Variants in UPP2 observed in about 807,000 individuals in gnomAD.
The protein encoded by UPP2 is uridine phosphorylase 2.
Under a neutral mutation model 26.7 loss-of-function variants are expected in UPP2, and 23 were observed. The observed-to-expected ratio is 0.86, with a 90% CI of 0.62 to 1.22. UPP2 has a LOEUF of 1.22. UPP2 is among the 50% of genes most tolerant of loss of function. The probability of loss-of-function intolerance (pLI) is 0.00; values close to 1 mark genes in which losing one functional copy is unlikely to be tolerated. For missense variants in UPP2, 387 were observed against 396.7 expected, an observed-to-expected ratio of 0.98 and a Z score of 0.21; for synonymous variants, 127 against 141.3, an observed-to-expected ratio of 0.90 and a Z score of 0.72.
chr2:158,098,370 G>C (rs773096373), upstream of UPP2, among the ~76,000 whole-genome samples: 8 of 152,148 alleles, frequency 5.3e-5, no homozygotes, highest in Non-Finnish European at 8.8e-5. Flanking sequence ...GAAAGGTTGT[G>C]ATTCTCTAGG....
At chr2:158,118,676 C>A (rs767973725) in intron 4 of UPP2, among the ~76,000 whole-genome samples, 3 of 151,964 alleles carry the variant, frequency 2.0e-5, no homozygotes, top group Non-Finnish European at 4.4e-5. Context: ...CTGCACATGG[C>A]AAATGGAGAA....
At chr2:158,013,165 G>A (rs377595358) in intron 2 of UPP2, among the ~76,000 whole-genome samples, 5 of 152,148 alleles carry the variant, frequency 3.3e-5, no homozygotes, top group African/African-American at 1.2e-4. Flanking sequence ...TTTTTAAAAA[G>A]TTTTATTTTT....
At chr2:158,031,241 A>G (rs1471118067) in intron 3 of UPP2, among the ~76,000 whole-genome samples, 1 of 152,106 alleles carries the variant, frequency 6.6e-6, no homozygotes, top group African/African-American at 2.4e-5. Context: ...TAGATTTTGG[A>G]GTAGGAAGTA....
At chr2:158,081,647 A>G (rs1301002330) in intron 3 of UPP2, among the ~76,000 whole-genome samples, 1 of 152,174 alleles carries the variant, frequency 6.6e-6, no homozygotes, top group African/African-American at 2.4e-5. Context: ...AAAAAGAATG[A>G]AATCCTGTCA....
intron 2 of UPP2, among the ~76,000 whole-genome samples, chr2:158,113,782 A>G (rs1277323128): frequency 2.6e-5 from 4 of 152,182 alleles, no homozygotes; most frequent in East Asian, 3.9e-4. Flanking sequence ...CCTCTGTCCA[A>G]TGCTGCCTAC....
intron 3 of UPP2, among the ~76,000 whole-genome samples, chr2:158,020,558 A>G (rs1416587778): frequency 6.6e-6 from 1 of 152,018 alleles, no homozygotes. Flanking sequence ...CACTGCTCAC[A>G]CTCCCTGATA....
chr2:158,119,505 A>G (rs772669273), intron 4 of UPP2, among the ~76,000 whole-genome samples: 1 of 152,088 alleles, frequency 6.6e-6, no homozygotes, highest in Non-Finnish European at 1.5e-5. Context: ...CCCTTCCTAC[A>G]TGAGCCAACA....
chr2:158,028,739 C>T (rs1558908146), intron 3 of UPP2, among the ~76,000 whole-genome samples: 1 of 152,234 alleles, frequency 6.6e-6, no homozygotes, highest in Non-Finnish European at 1.5e-5. Context: ...TACAGTTCCA[C>T]ATGGCTGGAG....
At chr2:158,130,958 A>G (rs1335565875) in intron 6 of UPP2, among the ~76,000 whole-genome samples, 1 of 152,188 alleles carries the variant, frequency 6.6e-6, no homozygotes, top group Non-Finnish European at 1.5e-5. Context: ...GTCTCTTACC[A>G]TTGACCAGCC....
At chr2:158,096,159 T>A (rs1682981991) in intron 3 of UPP2, among the ~76,000 whole-genome samples, 1 of 152,118 alleles carries the variant, frequency 6.6e-6, no homozygotes, top group Non-Finnish European at 1.5e-5. Context: ...TAGAAAACAG[T>A]GAATTTACGC....
At position 158,121,516 on chromosome 2, in the gene UPP2, C is replaced by T; in HGVS notation, c.562C>T (p.Leu188=). The T allele has an allele frequency of 1.2e-6, 2 of 1,613,460 alleles. No individual in the cohort carries two copies. The highest frequency in any genetic ancestry group is 2.2e-5 in the South Asian group (2 of 91,066). The change falls in exon 5 of 7, where the codon CTG becomes TTG. Residue 188 remains leucine (L), a synonymous_variant. Transcript: ENST00000005756. ...CAACATTGTCACCCGAAGTACTGAA[C>T]TGGACAAAGAACTGTCTGAAGAACT... is the stretch of plus-strand genomic sequence containing the variant. The part of the protein sequence containing the change: ...LDNIVTRSTE[L]DKELSEELFN...
upstream of UPP2, among the ~76,000 whole-genome samples, chr2:158,098,934 C>T (rs1683029481): frequency 6.6e-6 from 1 of 152,146 alleles, no homozygotes; most frequent in African/African-American, 2.4e-5. Flanking sequence ...ATTGTACACT[C>T]TTAATAGCTC....
At chr2:158,128,044 G>A in intron 6 of UPP2, 2 of 983,398 alleles carry the variant, frequency 2.0e-6, no homozygotes, top group Non-Finnish European at 1.2e-6. Flanking sequence ...TGGTAAGTAT[G>A]TTTAACTTGT....
intron 3 of UPP2, among the ~76,000 whole-genome samples, chr2:158,045,613 A>G (rs1448656253): frequency 6.6e-6 from 1 of 152,118 alleles, no homozygotes; most frequent in Non-Finnish European, 1.5e-5. Flanking sequence ...TGGTGAGATA[A>G]ACTTCCTGAT....
intron 6 of UPP2, among the ~76,000 whole-genome samples, chr2:158,129,014 T>A (rs1683751187): frequency 6.6e-6 from 1 of 152,080 alleles, no homozygotes; most frequent in African/African-American, 2.4e-5. Flanking sequence ...TACAAAGGTG[T>A]CTTTTTGCTT....
intron 3 of UPP2, among the ~76,000 whole-genome samples, chr2:158,046,833 A>G (rs183073141): frequency 7.2e-4 from 110 of 152,260 alleles, no homozygotes; most frequent in African/African-American, 2.5e-3. Context: ...TCTTTTCCTT[A>G]TATAGGGAAC....
chr2:157,999,286 C>A (rs1410162419), intron 2 of UPP2, among the ~76,000 whole-genome samples: 1 of 152,184 alleles, frequency 6.6e-6, no homozygotes, highest in Non-Finnish European at 1.5e-5. Context: ...TCAAGCGATT[C>A]TTCTGCCTCA....
chr2:158,002,764 A>G (rs1683428476), intron 2 of UPP2, among the ~76,000 whole-genome samples: 1 of 152,338 alleles, frequency 6.6e-6, no homozygotes, highest in Admixed American at 6.5e-5. Context: ...AAAAAATAGA[A>G]CCATTTTAAT....
chr2:158,013,232 G>A (rs67417731), intron 2 of UPP2, among the ~76,000 whole-genome samples: 11,606 of 152,256 alleles, frequency 0.076, 500 homozygotes, highest in Non-Finnish European at 0.097. Context: ...CTGGCTTTAA[G>A]TGATCCTCTG....
Sources: allele counts gnomAD v4.1 joint callset (sites outside exome capture counted in the v4.1 genomes callset), GRCh38; gene constraint gnomAD v4.1.1; transcripts MANE v1.5; gene names NCBI Gene and HGNC (gene_info 2026-07-23, HGNC 2026-07-21).